Variants in RUNX1 observed in about 807,000 individuals in gnomAD.
The protein encoded by RUNX1 is runt-related transcription factor 1.
A neutral mutation model predicts 42.8 loss-of-function variants in RUNX1; 19 were observed. That is an observed-to-expected ratio of 0.44 (90% CI 0.31 to 0.65). The LOEUF (loss-of-function observed/expected upper bound fraction) is 0.65. RUNX1 is among the 30% of genes least tolerant of loss of function. The pLI is 0.07. For missense variants in RUNX1, 528 were observed against 672.0 expected (o/e 0.79, Z 2.37); for synonymous variants, 271 against 289.4 (o/e 0.94, Z 0.64).
At chr21:34,933,335 C>G (rs1391281847) in intron 2 of RUNX1, among the ~76,000 whole-genome samples, 1 of 152,160 alleles carries the variant, frequency 6.6e-6, no homozygotes, top group Non-Finnish European at 1.5e-5. Flanking sequence ...TTCCAAATGT[C>G]TACATAACTA....
At chr21:34,844,154 C>A (rs2057283125) in intron 6 of RUNX1, among the ~76,000 whole-genome samples, 1 of 152,184 alleles carries the variant, frequency 6.6e-6, no homozygotes, top group Non-Finnish European at 1.5e-5. Context: ...ATTTGTTGAT[C>A]AGAGTAGCTC....
At chr21:34,880,988 T>G (rs984285904) in intron 4 of RUNX1, among the ~76,000 whole-genome samples, 1 of 152,210 alleles carries the variant, frequency 6.6e-6, no homozygotes, top group Admixed American at 6.5e-5. Context: ...CCTAATACAT[T>G]ATGTATAACT....
chr21:34,899,335 G>T (rs1428466857), intron 2 of RUNX1, among the ~76,000 whole-genome samples: 1 of 152,178 alleles, frequency 6.6e-6, no homozygotes, highest in East Asian at 1.9e-4. Flanking sequence ...ATTAGATTAA[G>T]ATGAGGTTGT....
At chr21:34,880,444 T>C (rs1403665743) in intron 5 of RUNX1, 113 bp downstream of exon 5, 29 of 969,996 alleles carry the variant, frequency 3.0e-5, no homozygotes, top group Admixed American at 1.8e-4. Context: ...GCAATAAGAA[T>C]GTTAAGACAG....
At chr21:34,882,720 G>T (rs1401720616) in intron 4 of RUNX1, among the ~76,000 whole-genome samples, 1 of 149,998 alleles carries the variant, frequency 6.7e-6, no homozygotes, top group Admixed American at 6.6e-5. Flanking sequence ...CCCGAAAAAT[G>T]GGCTTGCTTT....
chr21:35,025,423 G>A (rs1016306363), intron 2 of RUNX1, among the ~76,000 whole-genome samples: 4 of 152,198 alleles, frequency 2.6e-5, no homozygotes, highest in Middle Eastern at 6.8e-3. Context: ...TCCCCCAGAC[G>A]TTCCGATGCC....
rs2057801077 is a variant in RUNX1 at position 34,875,468 on chromosome 21, T to C, written c.508+5089A>G. ...ATCTGAATACAGATTTCAGTATATA[T>C]ATTATTTTAAAGTGTAGATCAGTAT... On this transcript the variant is annotated intron_variant, in intron 5 of 8. Transcript: ENST00000675419. Among the ~76,000 whole-genome samples, 6 of 152,316 alleles carry C rather than the reference T, an allele frequency of 3.9e-5. No homozygotes were observed. The South Asian group carries it at 1.2e-3, about 32-fold the overall frequency.
At chr21:34,823,435 T>G (rs2056939366) in intron 7 of RUNX1, among the ~76,000 whole-genome samples, 1 of 7,598 alleles carries the variant, frequency 1.3e-4, no homozygotes, top group African/African-American at 1.6e-4. Flanking sequence ...GGTGGGTTTT[T>G]TTTTTTTTTT....
intron 2 of RUNX1, among the ~76,000 whole-genome samples, chr21:34,975,930 T>C (rs78568568): frequency 0.013 from 1,942 of 152,204 alleles, 38 homozygotes; most frequent in African/African-American, 0.044. Context: ...GGATTGAGAC[T>C]AAATTATGGA....
chr21:34,800,635 T>C (rs2056595132), intron 7 of RUNX1, among the ~76,000 whole-genome samples: 1 of 152,224 alleles, frequency 6.6e-6, no homozygotes, highest in South Asian at 2.1e-4. Flanking sequence ...CTCCAGGGGC[T>C]TTTCATTTCC....
chr21:34,941,442 C>T (rs965902437), intron 2 of RUNX1, among the ~76,000 whole-genome samples: 2 of 152,214 alleles, frequency 1.3e-5, no homozygotes, highest in Non-Finnish European at 2.9e-5. Flanking sequence ...CAATTCAACA[C>T]ATCCTGAGCA....
rs1389232913 is a variant in RUNX1 at position 34,892,932 on chromosome 21, G to A, written c.90C>T (p.Asp30=). The A allele has an allele frequency of 7.1e-6, 11 of 1,560,226 alleles. No individual in the cohort carries two copies. Among genetic ancestry groups the A allele is most frequent in the South Asian group, 1.1e-5 (1 of 89,298 alleles). ...ECILGMNPSR[D]VHDASTSRRF... ...ACTTGGAATTTAACATACCGTGGAC[G>A]TCTCTAGAAGGATTCATTCCAAGTA... The change falls in exon 3 of 9, where the codon GAC becomes GAT. Residue 30 remains aspartate (D), a synonymous_variant. Transcript: ENST00000675419.
At chr21:34,893,897 A>G (rs971814954) in intron 2 of RUNX1, among the ~76,000 whole-genome samples, 1 of 152,142 alleles carries the variant, frequency 6.6e-6, no homozygotes, top group African/African-American at 2.4e-5. Context: ...TTGCCAAAGT[A>G]AAAGGAACAA....
chr21:34,817,920 G>A (rs1601385401), intron 7 of RUNX1, among the ~76,000 whole-genome samples: 1 of 152,228 alleles, frequency 6.6e-6, no homozygotes, highest in Non-Finnish European at 1.5e-5. Flanking sequence ...TTTGCAAAGT[G>A]TCTGCAGACG....
chr21:34,977,057 A>C (rs2058807521), intron 2 of RUNX1, among the ~76,000 whole-genome samples: 1 of 152,244 alleles, frequency 6.6e-6, no homozygotes, highest in South Asian at 2.1e-4. Flanking sequence ...TCTTTGGAGA[A>C]ATCTCTGTAT....
At chr21:35,014,869 C>T (rs964361407) in intron 2 of RUNX1, among the ~76,000 whole-genome samples, 1 of 152,264 alleles carries the variant, frequency 6.6e-6, no homozygotes, top group Admixed American at 6.5e-5. Context: ...CTTCTCTGTT[C>T]GTCTCCCTTG....
At chr21:34,839,056 C>T (rs937138189) in intron 6 of RUNX1, among the ~76,000 whole-genome samples, 3 of 152,086 alleles carry the variant, frequency 2.0e-5, no homozygotes, top group Admixed American at 6.5e-5. Context: ...CTTCTCATAT[C>T]GTTAAGCTAA....
intron 2 of RUNX1, among the ~76,000 whole-genome samples, chr21:35,037,919 C>T (rs942243416): frequency 4.3e-5 from 2 of 46,592 alleles, no homozygotes; most frequent in Non-Finnish European, 3.9e-5. Context: ...GAGAGGCAGA[C>T]ATTTCTTTTT....
chr21:35,023,533 G>T (rs986136934), intron 2 of RUNX1, among the ~76,000 whole-genome samples: 5 of 152,202 alleles, frequency 3.3e-5, no homozygotes, highest in Non-Finnish European at 7.3e-5. Context: ...CTCCCTAGCC[G>T]GGAGGCCAGA....
Sources: allele counts gnomAD v4.1 joint callset (sites outside exome capture counted in the v4.1 genomes callset), GRCh38; gene constraint gnomAD v4.1.1; transcripts MANE v1.5; gene names NCBI Gene and HGNC (gene_info 2026-07-23, HGNC 2026-07-21).